The following OSBPL1A variants were observed in gnomAD, a reference collection of about 807,000 sequenced individuals.
OSBPL1A encodes oxysterol-binding protein-related protein 1.
A neutral mutation model predicts 137.1 loss-of-function variants in OSBPL1A; 80 were observed. That is an observed-to-expected ratio of 0.58 (90% CI 0.49 to 0.70). OSBPL1A has a LOEUF of 0.70. Ranked by LOEUF, OSBPL1A falls within the 30% of genes least tolerant of loss-of-function variation. OSBPL1A has a pLI of 0.00. For missense variants in OSBPL1A, 970 were observed against 1,129.4 expected, an observed-to-expected ratio of 0.86 and a Z score of 2.02; for synonymous variants, 365 against 389.7, an observed-to-expected ratio of 0.94 and a Z score of 0.75.
chr18:24,279,918 C>A (rs1567996679), intron 15 of OSBPL1A, among the ~76,000 whole-genome samples: 1 of 151,940 alleles, frequency 6.6e-6, no homozygotes, highest in Non-Finnish European at 1.5e-5. Flanking sequence ...TGGCTCACTG[C>A]AGCCTCTGCC....
chr18:24,327,094 T>C (rs945216342), intron 7 of OSBPL1A, among the ~76,000 whole-genome samples: 2 of 150,214 alleles, frequency 1.3e-5, no homozygotes, highest in Non-Finnish European at 3.0e-5. Flanking sequence ...GTTGCTCTTA[T>C]GGTTTTTTTC....
intron 14 of OSBPL1A, among the ~76,000 whole-genome samples, chr18:24,283,275 A>ATATATATAT (rs2089997873): frequency 2.0e-5 from 2 of 99,576 alleles, no homozygotes; most frequent in African/African-American, 7.2e-5. Context: ...AAAAAAAAAA[A>ATATATATAT]AAAAAAATAT....
At chr18:24,274,679 G>A (rs1319137491) in intron 15 of OSBPL1A, among the ~76,000 whole-genome samples, 3 of 152,148 alleles carry the variant, frequency 2.0e-5, no homozygotes, top group African/African-American at 2.4e-5. Context: ...AGGCCAAGGC[G>A]AGTGTATCAC....
chr18:24,233,476 A>G (rs968055232), intron 16 of OSBPL1A, among the ~76,000 whole-genome samples: 4 of 152,216 alleles, frequency 2.6e-5, no homozygotes, highest in Admixed American at 2.0e-4. Context: ...TCTTAGGCTC[A>G]TTATTGAATA....
Position 24,211,122 on chromosome 18 carries a change from C to T in OSBPL1A, c.1601+13920G>A, listed in dbSNP as rs376025667. ...TTAGGATTACAGGTGCCCACCACCACGCCCAGCTAATTTTTTGTATTTTTA... is the reference window on the plus strand; with the variant it reads ...TTAGGATTACAGGTGCCCACCACCATGCCCAGCTAATTTTTTGTATTTTTA... On this transcript the variant is annotated intron_variant, in intron 17 of 27. Transcript: ENST00000319481. Among the ~76,000 whole-genome samples, 50 of 152,104 alleles carry T rather than the reference C, an allele frequency of 3.3e-4. No individual in the cohort carries two copies. In the South Asian group the frequency reaches 9.3e-3, roughly 28 times the overall value.
In OSBPL1A at chr18:24,289,438, T is replaced by G. The variant is rs1192757325; in HGVS notation, c.1175-8490A>C. Among the ~76,000 whole-genome samples, 4 of 143,364 alleles carry G rather than the reference T, an allele frequency of 2.8e-5. No homozygotes were observed. The South Asian group carries it at 8.7e-4, about 31-fold the overall frequency. The allele number at this position is 143,364 out of a possible 152,430, so 94.1% of individuals were successfully genotyped here. A position where few individuals can be genotyped will look rare whatever the true frequency, so the allele number is the denominator to read the frequency against. ...TTCCTGTTTTTTTTTTTTTTTTTTT[T>G]TGAGATGGAGTTGGGCTCTGTCACC... On this transcript the variant is annotated intron_variant, in intron 14 of 27. Coordinates refer to ENST00000319481, the MANE Select transcript of OSBPL1A (RefSeq NM_080597.4).
At chr18:24,184,426 A>G (rs1221322290) in intron 18 of OSBPL1A, among the ~76,000 whole-genome samples, 1 of 152,106 alleles carries the variant, frequency 6.6e-6, no homozygotes, top group Non-Finnish European at 1.5e-5. Flanking sequence ...CCCCATTACA[A>G]CCACTTAACC....
chr18:24,341,652 C>T lies in OSBPL1A; in HGVS notation c.289G>A (p.Val97Ile), dbSNP rs910896217. 1.8e-5 allele frequency: 28 copies of T among 1,590,098 alleles called. No individual in the cohort carries two copies. The highest frequency in any genetic ancestry group is 2.3e-5 in the Non-Finnish European group (27 of 1,165,624). The change falls in exon 5 of 28, where the codon GTA becomes ATA. Residue 97 changes from valine to isoleucine, a missense_variant. Val to Ile is a conservative substitution (Grantham distance 29). Transcript: ENST00000319481. ...GCATTATATTCTAAGAGAAGCATTA[C>T]CAACTCCTAAAAATCAGAGAATTTA... ...RAAFTGRKELVMLLLEYNADT... is the reference protein window; with the variant it reads ...RAAFTGRKELIMLLLEYNADT...
At chr18:24,208,299 C>A (rs2087432337) in intron 17 of OSBPL1A, among the ~76,000 whole-genome samples, 1 of 152,108 alleles carries the variant, frequency 6.6e-6, no homozygotes, top group Admixed American at 6.6e-5. Flanking sequence ...TGAAAAAAAT[C>A]TTTACATAGT....
rs746268043 is a variant in OSBPL1A, at chr18:24,167,402, G to C, written c.2462C>G (p.Ser821Cys). The change falls in exon 25 of 28, where the codon TCT becomes TGT. Residue 821 changes from serine (S) to cysteine (C), a missense_variant. Around this residue, in one of 2 missense-constraint regions of OSBPL1A, gnomAD observed 323 missense variants for 456.8 expected, o/e 0.71. Coordinates refer to ENST00000319481, the MANE Select transcript of OSBPL1A (RefSeq NM_080597.4). The part of the protein sequence containing the change: ...EELDEMPVPD[S>C]ESVFIIPGSV... ...TCCAGGGATAATGAATACACTTTCAGAATCCGGCACTGGCATTTCATCCAA... is the reference window on the plus strand; with the variant it reads ...TCCAGGGATAATGAATACACTTTCACAATCCGGCACTGGCATTTCATCCAA... 2 of 1,614,214 alleles carry C rather than the reference G, an allele frequency of 1.2e-6. No homozygotes were observed. The highest frequency in any genetic ancestry group is 1.7e-6 in the Non-Finnish European group (2 of 1,180,044).
intron 11 of OSBPL1A, 137 bp from the exon 12 acceptor site, chr18:24,314,484 T>C (rs546409715): frequency 6.5e-5 from 35 of 540,752 alleles, no homozygotes; most frequent in East Asian, 1.2e-4. Flanking sequence ...CAGATAAAAA[T>C]TGGAAAAAAA....
intron 7 of OSBPL1A, among the ~76,000 whole-genome samples, chr18:24,329,451 G>A (rs777314569): frequency 7.3e-5 from 11 of 151,540 alleles, no homozygotes; most frequent in Admixed American, 5.3e-4. Context: ...TCAGGAGGCT[G>A]AGGCAGGAGA....
rs939590091 is a variant in OSBPL1A at position 24,375,496 on chromosome 18, G to A, written c.121+1917C>T. On this transcript the variant is annotated intron_variant, in intron 2 of 27. Transcript: ENST00000319481. ...TGTATTGGCCACTTTGCTACACATG[G>A]CATATTATGACTTGGCTGCTATGTT... 1.4e-4 allele frequency among the ~76,000 whole-genome samples: 22 copies of A among 152,138 alleles called. No individual in the cohort carries two copies. The South Asian group carries it at 3.7e-3, about 26-fold the overall frequency.
chr18:24,322,141 C>T (rs1271259817), intron 7 of OSBPL1A, among the ~76,000 whole-genome samples: 2 of 140,950 alleles, frequency 1.4e-5, no homozygotes, highest in African/African-American at 5.3e-5. Flanking sequence ...ACAGAGTTTC[C>T]CTCTGTTGCC....
At chr18:24,266,605 G>C (rs2089581253) in intron 15 of OSBPL1A, among the ~76,000 whole-genome samples, 1 of 152,140 alleles carries the variant, frequency 6.6e-6, no homozygotes, top group Non-Finnish European at 1.5e-5. Flanking sequence ...AGTGGAAACA[G>C]GACGAGGTGG....
At chr18:24,170,613 TCG>T (rs1330280140) in intron 23 of OSBPL1A, 160 bp from the exon 24 acceptor site, 1 of 695,292 alleles carries the variant, frequency 1.4e-6, no homozygotes, top group East Asian at 2.7e-5. Flanking sequence ...CAGGGTGGCA[TCG>T]CCATAGACTG....
intron 7 of OSBPL1A, among the ~76,000 whole-genome samples, chr18:24,331,522 G>T (rs998089709): frequency 6.6e-6 from 1 of 150,600 alleles, no homozygotes; most frequent in African/African-American, 2.5e-5. Flanking sequence ...TCAGCCTCCC[G>T]AGTAGCTGGG....
chr18:24,269,952 C>A (rs577827903), intron 15 of OSBPL1A, among the ~76,000 whole-genome samples: 37 of 151,554 alleles, frequency 2.4e-4, no homozygotes, highest in African/African-American at 9.0e-4. Context: ...TGAAATCCAG[C>A]TTCAGTTTAC....
chr18:24,264,025 G>A (rs1051930781), intron 15 of OSBPL1A, among the ~76,000 whole-genome samples: 6 of 152,084 alleles, frequency 3.9e-5, no homozygotes, highest in African/African-American at 1.4e-4. Flanking sequence ...TGCACCCTGG[G>A]GAACAACCAT....
Sources: allele counts gnomAD v4.1 joint callset (sites outside exome capture counted in the v4.1 genomes callset), GRCh38; gene constraint gnomAD v4.1.1; regional missense constraint gnomAD v4.1.1; transcripts MANE v1.5; gene names NCBI Gene and HGNC (gene_info 2026-07-23, HGNC 2026-07-21).